Variants in DLGAP2 observed in about 807,000 individuals in gnomAD.
DLGAP2 encodes the protein disks large-associated protein 2.
DLGAP2 carries 26 observed loss-of-function variants against 100.3 expected under a neutral mutation model. The observed-to-expected ratio is 0.26, with a 90% confidence interval of 0.19 to 0.36. The LOEUF (loss-of-function observed/expected upper bound fraction) is 0.36, where lower values mean the gene tolerates loss of function less well. Ranked by LOEUF, DLGAP2 falls within the 10% of genes least tolerant of loss-of-function variation. The pLI is 1.00. For missense variants in DLGAP2, 1,858 were observed against 1,453.2 expected, an observed-to-expected ratio of 1.28 and a Z score of -4.53; for synonymous variants, 886 against 630.1, an observed-to-expected ratio of 1.41 and a Z score of -6.08.
intron 2 of DLGAP2, among the ~76,000 whole-genome samples, chr8:1,235,032 C>A (rs1246194067): frequency 6.6e-6 from 1 of 151,962 alleles, no homozygotes; most frequent in Non-Finnish European, 1.5e-5. Flanking sequence ...CTAATTCTCT[C>A]TCACATGGCG....
At chr8:1,414,648 C>T (rs79888451) in intron 3 of DLGAP2, among the ~76,000 whole-genome samples, 3,722 of 152,112 alleles carry the variant, frequency 0.024, 120 homozygotes, top group African/African-American at 0.071. Context: ...CCGCCATCTA[C>T]GCACGTCCAG....
At chr8:857,371 A>G (rs999682411) in intron 1 of DLGAP2, among the ~76,000 whole-genome samples, 5 of 152,250 alleles carry the variant, frequency 3.3e-5, no homozygotes, top group Middle Eastern at 3.2e-3. Flanking sequence ...TGCTCTGCAA[A>G]GACACTCTTC....
intron 3 of DLGAP2, among the ~76,000 whole-genome samples, chr8:1,368,272 ATGTG>A (rs1340651361): frequency 9.2e-5 from 14 of 151,386 alleles, no homozygotes; most frequent in South Asian, 4.2e-4. Context: ...GTGTGCAGGT[ATGTG>A]TGTATGTGTG....
intron 2 of DLGAP2, among the ~76,000 whole-genome samples, chr8:1,126,490 G>C (rs562782002): frequency 5.3e-5 from 8 of 152,076 alleles, no homozygotes; most frequent in Admixed American, 5.2e-4. Flanking sequence ...CAGGTGAGGG[G>C]CTGGGATCTC....
chr8:963,873 T>C (rs1554454075), intron 2 of DLGAP2, among the ~76,000 whole-genome samples: 2 of 152,212 alleles, frequency 1.3e-5, no homozygotes, highest in Non-Finnish European at 2.9e-5. Flanking sequence ...TTTTGTGCAA[T>C]TAATACAAGT....
intron 4 of DLGAP2, among the ~76,000 whole-genome samples, chr8:1,534,467 A>T (rs1801085693): frequency 1.3e-5 from 2 of 152,236 alleles, no homozygotes; most frequent in Non-Finnish European, 2.9e-5. Flanking sequence ...TTAAGTTGCA[A>T]ATGTGCTCAC....
chr8:877,580 T>G (rs906202994), intron 1 of DLGAP2, among the ~76,000 whole-genome samples: 1 of 152,240 alleles, frequency 6.6e-6, no homozygotes, highest in Non-Finnish European at 1.5e-5. Flanking sequence ...TGTGGCTTCT[T>G]TGAAGGAATA....
chr8:1,163,317 C>T (rs1796928267), intron 2 of DLGAP2, among the ~76,000 whole-genome samples: 1 of 152,224 alleles, frequency 6.6e-6, no homozygotes, highest in Non-Finnish European at 1.5e-5. Context: ...GTGCCGCACC[C>T]CCTGCCTGCT....
At chr8:1,070,079 C>A (rs182439065) in intron 2 of DLGAP2, among the ~76,000 whole-genome samples, 1 of 152,332 alleles carries the variant, frequency 6.6e-6, no homozygotes, top group Admixed American at 6.5e-5. Flanking sequence ...TTCTCCAAAT[C>A]ACTACGCTAC....
At chr8:754,311 C>T (rs1476584915) in intron 1 of DLGAP2, 1 of 152,250 alleles carries the variant, frequency 6.6e-6, no homozygotes, top group East Asian at 1.9e-4. Flanking sequence ...TCCACACTGA[C>T]ATGGACAGAT....
chr8:1,162,069 A>C (rs1269510018), intron 2 of DLGAP2, among the ~76,000 whole-genome samples: 1 of 152,316 alleles, frequency 6.6e-6, no homozygotes, highest in South Asian at 2.1e-4. Context: ...TTGCAGCAGA[A>C]GTTCCAGCTG....
intron 2 of DLGAP2, among the ~76,000 whole-genome samples, chr8:1,221,734 G>A (rs1415164769): frequency 6.6e-6 from 1 of 152,138 alleles, no homozygotes; most frequent in Admixed American, 6.5e-5. Flanking sequence ...AGCAATGTTA[G>A]CGAGTCATAG....
intron 2 of DLGAP2, among the ~76,000 whole-genome samples, chr8:1,039,207 T>C (rs545838394): frequency 6.6e-6 from 1 of 151,392 alleles, no homozygotes; most frequent in South Asian, 2.1e-4. Context: ...GTCAGCTCGG[T>C]GTGCGTGGTC....
At chr8:1,168,839 C>T (rs34713524) in intron 2 of DLGAP2, among the ~76,000 whole-genome samples, 25,340 of 83,154 alleles carry the variant, frequency 0.3, 5,079 homozygotes, top group Non-Finnish European at 0.43. Context: ...GTTGCCTGTT[C>T]ACTCTGATGG....
At chr8:1,565,604 G>C in intron 5 of DLGAP2, 79 bp from the exon 6 acceptor site, 2 of 1,121,386 alleles carry the variant, frequency 1.8e-6, no homozygotes, top group Non-Finnish European at 2.6e-6. Context: ...AATTGTAGAG[G>C]ATTTGTTTCC....
At chr8:1,421,977 A>G (rs1259785086) in intron 3 of DLGAP2, among the ~76,000 whole-genome samples, 1 of 152,200 alleles carries the variant, frequency 6.6e-6, no homozygotes, top group Non-Finnish European at 1.5e-5. Context: ...AAAAAAAGAA[A>G]AAAGAAAAAA....
chr8:1,407,454 A>C (rs1435559873), intron 3 of DLGAP2, among the ~76,000 whole-genome samples: 1 of 142,050 alleles, frequency 7.0e-6, no homozygotes, highest in African/African-American at 2.6e-5. Flanking sequence ...GTGCTTACTG[A>C]GCGCCACCTC....
At chr8:772,365 G>A (rs1406324248) in intron 1 of DLGAP2, among the ~76,000 whole-genome samples, 5 of 150,994 alleles carry the variant, frequency 3.3e-5, no homozygotes, top group South Asian at 2.1e-4. Flanking sequence ...CTCTGTTGCC[G>A]AGGCTGGAGT....
chr8:1,145,027 C>G (rs1479653497), intron 2 of DLGAP2, among the ~76,000 whole-genome samples: 1 of 152,222 alleles, frequency 6.6e-6, no homozygotes, highest in East Asian at 1.9e-4. Context: ...GAAGGAAAAG[C>G]AAAAGCAAAA....
Sources: allele counts gnomAD v4.1 joint callset (sites outside exome capture counted in the v4.1 genomes callset), GRCh38; gene constraint gnomAD v4.1.1; transcripts MANE v1.5; gene names NCBI Gene and HGNC (gene_info 2026-07-23, HGNC 2026-07-21).